Variants in EML5 observed in about 807,000 individuals in gnomAD.
The protein encoded by EML5 is echinoderm microtubule-associated protein-like 5.
A neutral mutation model predicts 250.0 loss-of-function variants in EML5; 120 were observed. The ratio of observed to expected loss-of-function variants is 0.48; its 90% CI spans 0.41 to 0.56. The LOEUF (loss-of-function observed/expected upper bound fraction) is 0.56. EML5 is among the 20% of genes least tolerant of loss of function. The pLI is 0.00. For missense variants in EML5, 2,006 were observed against 2,437.6 expected, an observed-to-expected ratio of 0.82 and a Z score of 3.73; for synonymous variants, 771 against 806.5, an observed-to-expected ratio of 0.96 and a Z score of 0.75.
At chr14:88,715,322 A>G (rs1595635710) in intron 8 of EML5, 127 bp from the exon 9 acceptor site, 3 of 918,108 alleles carry the variant, frequency 3.3e-6, no homozygotes, top group East Asian at 2.7e-5. Flanking sequence ...AAACATAAAT[A>G]ACACAAGTAG....
chr14:88,759,695 A>AAAAAAAAAAAAAAAC, intron 1 of EML5, among the ~76,000 whole-genome samples: 2 of 150,762 alleles, frequency 1.3e-5, no homozygotes, highest in South Asian at 4.2e-4. Flanking sequence ...TAAAAAAAAA[A>AAAAAAAAAAAAAAAC]AAAAAAAAAC....
In EML5 at chr14:88,714,941, G is replaced by A. The variant is rs2093468058; in HGVS notation, c.1442C>T (p.Pro481Leu). The A allele has an allele frequency of 6.2e-6, 10 of 1,610,486 alleles. No homozygotes were observed. Among genetic ancestry groups the A allele is most frequent in the Non-Finnish European group, 7.6e-6 (9 of 1,178,264 alleles). ...GNGKRLFYRM[P>L]GGKEVTSTEE... Reference sequence around the variant, plus strand: ...TATAATTTGCTAGAAATTGTTACCTGGCATTCTATAAAAAAGTCTTTTCCC... The same window carrying A: ...TATAATTTGCTAGAAATTGTTACCTAGCATTCTATAAAAAAGTCTTTTCCC... The change falls in exon 9 of 44, where the codon CCA becomes CTA. Residue 481 changes from proline (P) to leucine (L), a missense_variant and splice_region_variant. Transcript: ENST00000554922.
At chr14:88,788,548 AAAG>A (rs951947496) in intron 1 of EML5, among the ~76,000 whole-genome samples, 12 of 152,266 alleles carry the variant, frequency 7.9e-5, no homozygotes, top group Middle Eastern at 6.8e-3. Context: ...AAAAAAAAAA[AAAG>A]TACTCTAAAT....
chr14:88,741,993 T>A (rs1281493878), intron 4 of EML5, among the ~76,000 whole-genome samples: 1 of 152,172 alleles, frequency 6.6e-6, no homozygotes, highest in Non-Finnish European at 1.5e-5. Context: ...TGGCTTGTTT[T>A]CTTTCTTTCA....
intron 17 of EML5, among the ~76,000 whole-genome samples, chr14:88,690,585 C>G (rs1191274892): frequency 6.6e-6 from 1 of 152,124 alleles, no homozygotes; most frequent in African/African-American, 2.4e-5. Context: ...AGAACATAAA[C>G]TGCAAATTGA....
At chr14:88,637,573 G>A (rs1209240358) in intron 32 of EML5, among the ~76,000 whole-genome samples, 1 of 152,096 alleles carries the variant, frequency 6.6e-6, no homozygotes, top group East Asian at 1.9e-4. Flanking sequence ...CATTAATACA[G>A]GGATTTTGCC....
At chr14:88,671,605 G>A (rs527889067) in intron 21 of EML5, among the ~76,000 whole-genome samples, 1 of 152,218 alleles carries the variant, frequency 6.6e-6, no homozygotes, top group African/African-American at 2.4e-5. Context: ...GACAGAGAAT[G>A]GCATGCTGAT....
intron 31 of EML5, among the ~76,000 whole-genome samples, chr14:88,639,147 G>A (rs752635406): frequency 6.6e-6 from 1 of 152,224 alleles, no homozygotes; most frequent in Non-Finnish European, 1.5e-5. Flanking sequence ...TGCCACAAGA[G>A]AGTTGGGATC....
chr14:88,712,559 T>G (rs189479305), intron 9 of EML5, 76 bp from the exon 10 acceptor site: 1 of 1,201,188 alleles, frequency 8.3e-7, no homozygotes, highest in Non-Finnish European at 1.2e-6. Context: ...ACTGAGAACA[T>G]AGTAAATTCC....
chr14:88,635,640 T>A (rs770866986), intron 32 of EML5, among the ~76,000 whole-genome samples: 3 of 152,212 alleles, frequency 2.0e-5, no homozygotes, highest in Non-Finnish European at 2.9e-5. Flanking sequence ...AATTTAGAAC[T>A]CCTTAGAGTT....
chr14:88,726,979 T>C (rs2093675724), intron 7 of EML5, among the ~76,000 whole-genome samples: 1 of 152,136 alleles, frequency 6.6e-6, no homozygotes, highest in Non-Finnish European at 1.5e-5. Flanking sequence ...AGCAATCCTC[T>C]AGCCTCAGCC....
intron 1 of EML5, among the ~76,000 whole-genome samples, chr14:88,756,368 G>A (rs2094159299): frequency 1.3e-5 from 2 of 152,012 alleles, no homozygotes; most frequent in African/African-American, 4.8e-5. Flanking sequence ...ACTGACAAAG[G>A]ACATCTACAT....
At chr14:88,695,897 C>T (rs2093067223) in intron 15 of EML5, among the ~76,000 whole-genome samples, 1 of 152,020 alleles carries the variant, frequency 6.6e-6, no homozygotes. Context: ...CATGCTGCCA[C>T]TAATATGACT....
At chr14:88,747,127 A>G (rs911816780) in intron 2 of EML5, among the ~76,000 whole-genome samples, 2 of 152,066 alleles carry the variant, frequency 1.3e-5, no homozygotes, top group Admixed American at 6.6e-5. Context: ...AACAAAAAAA[A>G]AAGGGTCAGG....
rs71127000 is a variant in EML5, at chr14:88,662,339, GTT to G, written c.3499-511_3499-510del. Among the ~76,000 whole-genome samples the G allele has an allele frequency of 8.1e-4, 45 of 55,652 alleles. No individual in the cohort carries two copies. The East Asian group carries it at 0.022, about 27-fold the overall frequency. 36.5% of individuals were successfully genotyped at this position (55,652 alleles called of 152,430 possible). A position where few individuals can be genotyped will look rare whatever the true frequency, so the allele number is the denominator to read the frequency against. On this transcript the variant is annotated intron_variant, in intron 24 of 43. Transcript: ENST00000554922. ...CACAAAATGCAACACAATTTTTCTT[GTT>G]TTTTTTTTTTTTTTTTTTTTTTTTT...
chr14:88,636,288 C>G (rs2092757447), intron 32 of EML5, among the ~76,000 whole-genome samples: 1 of 152,168 alleles, frequency 6.6e-6, no homozygotes, highest in Admixed American at 6.5e-5. Context: ...TAGGCTCCCC[C>G]ATGGAAAGCA....
At chr14:88,661,926 A>G (rs1008359507) in intron 24 of EML5, 96 bp from the exon 25 acceptor site, 2 of 1,112,992 alleles carry the variant, frequency 1.8e-6, no homozygotes, top group Middle Eastern at 2.0e-4. Context: ...TATGTGTGTC[A>G]CAAGTAAAAT....
At chr14:88,755,703 A>C (rs1055104168) in intron 1 of EML5, among the ~76,000 whole-genome samples, 1 of 152,232 alleles carries the variant, frequency 6.6e-6, no homozygotes, top group African/African-American at 2.4e-5. Flanking sequence ...ATATTAAAAC[A>C]GAATCAAGGC....
intron 13 of EML5, among the ~76,000 whole-genome samples, chr14:88,703,448 A>G (rs1009305498): frequency 3.9e-5 from 6 of 152,196 alleles, no homozygotes; most frequent in Non-Finnish European, 8.8e-5. Flanking sequence ...CAATTTTAAA[A>G]TATTATCCTC....
Sources: gnomAD v4.1 joint callset for allele counts (sites outside exome capture counted in the v4.1 genomes callset) on GRCh38, gnomAD v4.1.1 for gene constraint, MANE v1.5 for transcripts, NCBI Gene and HGNC (gene_info 2026-07-23, HGNC 2026-07-21) for gene names.